The following TG variants were observed in gnomAD, a reference collection of about 807,000 sequenced individuals.
The protein encoded by TG is thyroid hormones.
A neutral mutation model predicts 324.7 loss-of-function variants in TG; 270 were observed. That is an observed-to-expected ratio of 0.83 (90% confidence interval 0.75 to 0.92). TG has a LOEUF of 0.92. Ranked by LOEUF, TG falls within the 40% of genes least tolerant of loss-of-function variation. TG has a pLI of 0.00. For missense variants in TG, 3,591 were observed against 3,456.4 expected (o/e 1.04, Z -0.98); for synonymous variants, 1,401 against 1,327.0 (o/e 1.06, Z -1.21).
At chr8:132,949,054 G>C in intron 27 of TG, 111 bp downstream of exon 27, 2 of 712,056 alleles carry the variant, frequency 2.8e-6, no homozygotes, top group Non-Finnish European at 4.6e-6. Context: ...TTATACTTCT[G>C]AAAAAAAAAA....
chr8:132,964,912 A>T lies in TG; in HGVS notation c.5549-1648A>T, dbSNP rs752422147. 6 of 702,260 alleles carry T rather than the reference A, an allele frequency of 8.5e-6. No individual in the cohort carries two copies. In the South Asian group the frequency reaches 8.9e-5, roughly 10 times the overall value. 43.5% of individuals were successfully genotyped at this position (702,260 alleles called of 1,614,324 possible). On this transcript the variant is annotated intron_variant, in intron 29 of 47. Transcript: ENST00000220616. The stretch of plus-strand genomic sequence containing the variant: ...GAAAGGTTTCTCGGAGGAGGCCAGA[A>T]GGATCTGCCAGATGCTCCCAGGTAT...
intron 43 of TG, among the ~76,000 whole-genome samples, chr8:133,110,137 G>A (rs1341930110): frequency 6.6e-6 from 1 of 152,174 alleles, no homozygotes; most frequent in Non-Finnish European, 1.5e-5. Flanking sequence ...ACCCACTTTA[G>A]TGCCACTGCA....
chr8:133,046,148 G>T (rs1005069640), intron 41 of TG, among the ~76,000 whole-genome samples: 4 of 152,340 alleles, frequency 2.6e-5, no homozygotes, highest in Admixed American at 2.0e-4. Context: ...TGTAGGCCAT[G>T]TTTCAGGGTC....
intron 23 of TG, among the ~76,000 whole-genome samples, chr8:132,929,841 T>C (rs1461578757): frequency 6.6e-6 from 1 of 152,150 alleles, no homozygotes; most frequent in Non-Finnish European, 1.5e-5. Context: ...TAAAAAATAT[T>C]AAAAAATAAT....
In TG at chr8:132,886,685, A is replaced by C; in HGVS notation, c.1313A>C (p.Asn438Thr). Residue 438 changes from asparagine (N) to threonine (T), a missense_variant, in exon 9 of 48, where the codon AAT becomes ACT. Transcript: ENST00000220616. ...GQSQQFSVSENLLKEAIRAIF... is the reference protein window; with the variant it reads ...GQSQQFSVSETLLKEAIRAIF... Reference sequence around the variant, plus strand: ...AGCCAACAGTTTTCTGTCTCAGAAAATCTTCTCAAAGAAGCCATCCGAGCA... The same window carrying C: ...AGCCAACAGTTTTCTGTCTCAGAAACTCTTCTCAAAGAAGCCATCCGAGCA... The C allele has an allele frequency of 6.2e-7, 1 of 1,614,126 alleles. No individual in the cohort carries two copies.
At chr8:132,925,552 T>TGTGTGTGTGTGTGTGTG (rs60544202) in intron 22 of TG, among the ~76,000 whole-genome samples, 7 of 151,366 alleles carry the variant, frequency 4.6e-5, no homozygotes, top group African/African-American at 1.5e-4. Context: ...TGTGTGTGTG[T>TGTGTGTGTGTGTGTGTG]TCTTGAATAA....
At chr8:133,039,804 C>G (rs1050703486) in intron 41 of TG, among the ~76,000 whole-genome samples, 4 of 152,146 alleles carry the variant, frequency 2.6e-5, no homozygotes, top group Non-Finnish European at 4.4e-5. Flanking sequence ...AGGCCTGAAG[C>G]TGCCCCTGCA....
In TG at chr8:132,888,309, G is replaced by A. The variant is rs138731686; in HGVS notation, c.2502G>A (p.Pro834=). 2.2e-4 allele frequency: 348 copies of A among 1,614,124 alleles called. No homozygotes were observed. Among genetic ancestry groups the A allele is most frequent in the Middle Eastern group, 4.9e-4 (3 of 6,062 alleles). ...AGGCTGGCCAGCAAGATGTCTTCCC[G>A]GTGCTGTCACAATACCCTTCTCTGC... ...LYEAGQQDVF[P]VLSQYPSLQD... The change falls in exon 10 of 48, where the codon CCG becomes CCA. Residue 834 remains proline, a synonymous_variant. Transcript: ENST00000220616.
At chr8:133,124,593 C>A (rs1851382278) in intron 45 of TG, among the ~76,000 whole-genome samples, 1 of 152,176 alleles carries the variant, frequency 6.6e-6, no homozygotes, top group South Asian at 2.1e-4. Context: ...ATATCTACTT[C>A]GTAGTATGAA....
chr8:133,065,693 C>T (rs576801122), intron 41 of TG, among the ~76,000 whole-genome samples: 1 of 151,788 alleles, frequency 6.6e-6, no homozygotes. Context: ...ACCCAGTGGG[C>T]GGAGGTGGCA....
chr8:132,897,811 G>A lies in TG; in HGVS notation c.3139+25G>A, dbSNP rs762007578. 3.1e-6 allele frequency: 5 copies of A among 1,613,706 alleles called. No homozygotes were observed. In the South Asian group the frequency reaches 5.5e-5, roughly 18 times the overall value. ...GGTAAGGAGGGATAGGCACCTTCAG[G>A]TGGCCAAGTGACACCCCTTTTTTAT... On this transcript the variant is annotated intron_variant, in intron 12 of 47. Coordinates refer to ENST00000220616, the MANE Select transcript of TG (RefSeq NM_003235.5).
chr8:133,011,438 C>A (rs1279208927), intron 35 of TG, among the ~76,000 whole-genome samples: 2 of 152,072 alleles, frequency 1.3e-5, no homozygotes, highest in Non-Finnish European at 2.9e-5. Flanking sequence ...TAAATGGCAC[C>A]CCACAGTGTC....
chr8:132,918,459 A>T (rs2132440054), intron 20 of TG, among the ~76,000 whole-genome samples: 1 of 152,356 alleles, frequency 6.6e-6, no homozygotes, highest in East Asian at 1.9e-4. Flanking sequence ...CTCTGGGCAG[A>T]CCAAAAAACA....
intron 41 of TG, chr8:133,038,616 A>G: frequency 6.2e-7 from 1 of 1,614,072 alleles, no homozygotes; most frequent in East Asian, 2.2e-5. Flanking sequence ...TTTCGATCAA[A>G]GGAGGTGTTG....
intron 41 of TG, among the ~76,000 whole-genome samples, chr8:133,065,171 C>T (rs1842877706): frequency 6.6e-6 from 1 of 152,202 alleles, no homozygotes; most frequent in African/African-American, 2.4e-5. Context: ...ACGGTGATGA[C>T]CAGAACACCC....
intron 13 of TG, 23 bp from the exon 14 acceptor site, chr8:132,898,775 A>G: frequency 6.2e-7 from 1 of 1,610,650 alleles, no homozygotes; most frequent in South Asian, 1.1e-5. Context: ...CCAGTCCTTT[A>G]CAAGCACCTC....
At chr8:133,108,082 C>T (rs531313097) in intron 43 of TG, among the ~76,000 whole-genome samples, 4 of 150,332 alleles carry the variant, frequency 2.7e-5, no homozygotes, top group East Asian at 2.0e-4. Context: ...GCCAGTTTCA[C>T]CCCATTCTCC....
At chr8:132,966,963 C>T (rs1828650580) in intron 30 of TG, among the ~76,000 whole-genome samples, 1 of 152,044 alleles carries the variant, frequency 6.6e-6, no homozygotes, top group African/African-American at 2.4e-5. Context: ...ATCCATCCAT[C>T]CATCTACCCA....
chr8:132,893,763 T>C lies in TG; in HGVS notation c.2835T>C (p.Ala945=). 1.9e-6 allele frequency: 3 copies of C among 1,613,970 alleles called. No individual in the cohort carries two copies. The highest frequency in any genetic ancestry group is 2.5e-6 in the Non-Finnish European group (3 of 1,179,904). Residue 945 remains alanine, a synonymous_variant, in exon 11 of 48, where the codon GCT becomes GCC. Coordinates refer to ENST00000220616, the MANE Select transcript of TG (RefSeq NM_003235.5). ...GGGAAACGGAAGAGATTGTTTCAGC[T>C]TCCAACAGTTCTCGGTTCCCTCTGG... ...FIRETEEIVS[A]SNSSRFPLGE...
Sources: gnomAD v4.1 joint callset for allele counts (sites outside exome capture counted in the v4.1 genomes callset) on GRCh38, gnomAD v4.1.1 for gene constraint, MANE v1.5 for transcripts, NCBI Gene and HGNC (gene_info 2026-07-23, HGNC 2026-07-21) for gene names.